Variants in EFNA5 observed in about 807,000 individuals in gnomAD.
The protein encoded by EFNA5 is ephrin-A5.
EFNA5 carries 5 observed loss-of-function variants against 22.9 expected under a neutral mutation model. That is an observed-to-expected ratio of 0.22 (90% confidence interval 0.11 to 0.46). The LOEUF (loss-of-function observed/expected upper bound fraction) is 0.46, where lower values mean the gene tolerates loss of function less well. EFNA5 is among the 20% of genes least tolerant of loss of function. The pLI is 0.99. For missense variants in EFNA5, 237 were observed against 293.3 expected, an observed-to-expected ratio of 0.81 and a Z score of 1.40; for synonymous variants, 113 against 112.2, an observed-to-expected ratio of 1.01 and a Z score of -0.04.
At chr5:107,607,683 C>T (rs1749752220) in intron 1 of EFNA5, among the ~76,000 whole-genome samples, 1 of 152,148 alleles carries the variant, frequency 6.6e-6, no homozygotes, top group African/African-American at 2.4e-5. Context: ...CTTCACCTCT[C>T]AACACAGTTT....
chr5:107,629,988 G>A (rs1031691559), intron 1 of EFNA5, among the ~76,000 whole-genome samples: 15 of 151,620 alleles, frequency 9.9e-5, no homozygotes, highest in African/African-American at 2.7e-4. Flanking sequence ...CCTGGGAGGC[G>A]GAGGTTGCAG....
intron 1 of EFNA5, among the ~76,000 whole-genome samples, chr5:107,574,888 TA>T: frequency 6.6e-6 from 1 of 152,274 alleles, no homozygotes; most frequent in Middle Eastern, 3.4e-3. Flanking sequence ...ACTTACATAT[TA>T]AAAAATGCAG....
At chr5:107,419,086 G>C (rs1280059347) in intron 2 of EFNA5, among the ~76,000 whole-genome samples, 2 of 152,194 alleles carry the variant, frequency 1.3e-5, no homozygotes, top group Non-Finnish European at 2.9e-5. Context: ...AGAAGGCAGA[G>C]GTACAGGTCT....
At chr5:107,619,295 A>C (rs1052527206) in intron 1 of EFNA5, among the ~76,000 whole-genome samples, 5 of 152,116 alleles carry the variant, frequency 3.3e-5, no homozygotes, top group African/African-American at 2.4e-5. Flanking sequence ...ACTGTTGAGA[A>C]ACCAAAATGT....
At chr5:107,484,469 G>A (rs1198220106) in intron 1 of EFNA5, among the ~76,000 whole-genome samples, 2 of 152,272 alleles carry the variant, frequency 1.3e-5, no homozygotes, top group East Asian at 1.9e-4. Context: ...TGCAACAGAC[G>A]TTTTGCATGT....
At chr5:107,641,884 A>C (rs1750528869) in intron 1 of EFNA5, among the ~76,000 whole-genome samples, 2 of 152,132 alleles carry the variant, frequency 1.3e-5, no homozygotes, top group African/African-American at 4.8e-5. Context: ...GACAAAGAAC[A>C]GCTGTTTCCT....
At chr5:107,534,983 C>T (rs1747898810) in intron 1 of EFNA5, among the ~76,000 whole-genome samples, 1 of 152,096 alleles carries the variant, frequency 6.6e-6, no homozygotes, top group Non-Finnish European at 1.5e-5. Flanking sequence ...TTAAAAGTGA[C>T]TTTCTATATT....
chr5:107,468,558 A>C (rs953426794), intron 1 of EFNA5, among the ~76,000 whole-genome samples: 100 of 152,206 alleles, frequency 6.6e-4, no homozygotes, highest in African/African-American at 2.3e-3. Context: ...CCTAGCCTGG[A>C]GGTGCTTTTG....
intron 1 of EFNA5, among the ~76,000 whole-genome samples, chr5:107,589,183 C>G (rs1239705112): frequency 1.3e-5 from 2 of 152,132 alleles, no homozygotes; most frequent in Admixed American, 6.6e-5. Flanking sequence ...GTAAAGCCAA[C>G]TGAATTATGC....
At chr5:107,574,842 C>T (rs181360035) in intron 1 of EFNA5, among the ~76,000 whole-genome samples, 12 of 152,202 alleles carry the variant, frequency 7.9e-5, no homozygotes, top group Admixed American at 6.5e-4. Context: ...TTGATCTTGA[C>T]GGGGCTTAAG....
chr5:107,433,120 C>T (rs1749007597), intron 1 of EFNA5, among the ~76,000 whole-genome samples: 1 of 152,098 alleles, frequency 6.6e-6, no homozygotes, highest in African/African-American at 2.4e-5. Flanking sequence ...CTAAGGTTTT[C>T]AGGAGTCAAA....
At chr5:107,423,858 A>C (rs536914393) in intron 2 of EFNA5, among the ~76,000 whole-genome samples, 187 of 152,318 alleles carry the variant, frequency 1.2e-3, no homozygotes, top group African/African-American at 4.4e-3. Context: ...AAATAAAGGG[A>C]CTAGAACTGC....
intron 2 of EFNA5, among the ~76,000 whole-genome samples, chr5:107,398,033 TTTTG>T (rs941827208): frequency 2.6e-5 from 4 of 152,104 alleles, no homozygotes; most frequent in African/African-American, 4.8e-5. Flanking sequence ...TTCTCCTTTG[TTTTG>T]TTTGTTTGTT....
At chr5:107,613,179 T>C (rs918206234) in intron 1 of EFNA5, among the ~76,000 whole-genome samples, 8 of 152,134 alleles carry the variant, frequency 5.3e-5, no homozygotes, top group Non-Finnish European at 8.8e-5. Context: ...ACTTGAATTA[T>C]ATCACTAAGT....
intron 1 of EFNA5, among the ~76,000 whole-genome samples, chr5:107,603,992 T>C (rs1187002316): frequency 1.3e-5 from 2 of 152,158 alleles, no homozygotes; most frequent in African/African-American, 4.8e-5. Flanking sequence ...AGCAAAACCA[T>C]AAGGACAAGG....
Position 107,421,018 on chromosome 5 carries a change from C to G in EFNA5, c.418+6199G>C, listed in dbSNP as rs571512832. Among the ~76,000 whole-genome samples the G allele has an allele frequency of 9.2e-5, 14 of 152,302 alleles. No individual in the cohort carries two copies. In the East Asian group the frequency reaches 1.5e-3, roughly 17 times the overall value. ...AATTAGTTCTGTTTTACTAGTTTTA[C>G]TGAATATTCTTATACTTTTAAAAGG... On this transcript the variant is annotated intron_variant, in intron 2 of 4. Coordinates refer to ENST00000333274, the MANE Select transcript of EFNA5 (RefSeq NM_001962.3).
intron 1 of EFNA5, among the ~76,000 whole-genome samples, chr5:107,660,276 ATATATATATATATATAT>A (rs1750920242): frequency 1.8e-5 from 1 of 56,486 alleles, no homozygotes; most frequent in Non-Finnish European, 3.5e-5. Context: ...ATATATATAT[ATATATATATATATATAT>A]ATATATATAT....
chr5:107,572,336 C>G (rs893473176), intron 1 of EFNA5, among the ~76,000 whole-genome samples: 1 of 152,124 alleles, frequency 6.6e-6, no homozygotes, highest in Admixed American at 6.5e-5. Context: ...CAAAGGGTGC[C>G]GTCACAGCAG....
At chr5:107,601,264 C>G (rs3864269) in intron 1 of EFNA5, among the ~76,000 whole-genome samples, 2 of 152,112 alleles carry the variant, frequency 1.3e-5, no homozygotes, top group Non-Finnish European at 2.9e-5. Flanking sequence ...GAACTCATGA[C>G]GCAATCTTAC....
Sources: gnomAD v4.1 joint callset for allele counts (sites outside exome capture counted in the v4.1 genomes callset) on GRCh38, gnomAD v4.1.1 for gene constraint, MANE v1.5 for transcripts, NCBI Gene and HGNC (gene_info 2026-07-23, HGNC 2026-07-21) for gene names.